The following JAKMIP3 variants were observed in gnomAD, a reference collection of about 807,000 sequenced individuals.
JAKMIP3 encodes Janus kinase and microtubule interacting protein 3.
Under a neutral mutation model 118.5 loss-of-function variants are expected in JAKMIP3, and 58 were observed. That is an observed-to-expected ratio of 0.49 (90% CI 0.40 to 0.61). The LOEUF (loss-of-function observed/expected upper bound fraction) is 0.61, where lower values mean the gene tolerates loss of function less well. JAKMIP3 is among the 20% of genes least tolerant of loss of function. The pLI is 0.00. For missense variants in JAKMIP3, 950 were observed against 1,109.0 expected (o/e 0.86, Z 2.04); for synonymous variants, 486 against 451.2 (o/e 1.08, Z -0.98).
intron 1 of JAKMIP3, among the ~76,000 whole-genome samples, chr10:132,058,272 G>A (rs994512515): frequency 6.6e-6 from 1 of 152,220 alleles, no homozygotes; most frequent in Non-Finnish European, 1.5e-5. Context: ...TACAAAGTGA[G>A]GGCCTCAGAG....
intron 14 of JAKMIP3, 29 bp from the exon 15 acceptor site, chr10:132,149,383 C>T (rs370351597): frequency 5.2e-5 from 75 of 1,435,868 alleles, no homozygotes; most frequent in African/African-American, 4.5e-4. Context: ...GGGAGGGGAG[C>T]GGCTCACCCT....
At chr10:132,138,373 C>T (rs1448051366) in intron 9 of JAKMIP3, among the ~76,000 whole-genome samples, 195 bp downstream of exon 9, 1 of 142,562 alleles carries the variant, frequency 7.0e-6, no homozygotes, top group Non-Finnish European at 1.5e-5. Context: ...GAGGACCGCG[C>T]CCGCGTGTGT....
At chr10:132,159,656 G>GTGATGCTCAGGGGTCCTCTTCCTT (rs2057713008) in intron 19 of JAKMIP3, among the ~76,000 whole-genome samples, 1 of 66,980 alleles carries the variant, frequency 1.5e-5, no homozygotes, top group Non-Finnish European at 3.2e-5. Context: ...GCCTCTCCCT[G>GTGATGCTCAGGGGTCCTCTTCCTT]TGTGATGCTG....
At chr10:132,156,917 G>C (rs2057166401) in intron 19 of JAKMIP3, among the ~76,000 whole-genome samples, 1 of 152,014 alleles carries the variant, frequency 6.6e-6, no homozygotes, top group Non-Finnish European at 1.5e-5. Flanking sequence ...GTATAGTTCT[G>C]ATTTACAACA....
chr10:132,125,287 G>A (rs1442317339), intron 3 of JAKMIP3, among the ~76,000 whole-genome samples: 1 of 152,250 alleles, frequency 6.6e-6, no homozygotes, highest in African/African-American at 2.4e-5. Context: ...CCTGCTTGCT[G>A]TGTGGATATC....
rs571968306 is a variant in JAKMIP3, at chr10:132,177,361, C to T, written c.*1104-4996C>T. ...CCATGGAGAACAGGCAGAAAGTGTGCGCACGTGTGTGCACACATGCCAGTG... is the reference window on the plus strand; with the variant it reads ...CCATGGAGAACAGGCAGAAAGTGTGTGCACGTGTGTGCACACATGCCAGTG... On this transcript the variant is annotated intron_variant, in intron 23 of 23. Transcript: ENST00000684848. Among the ~76,000 whole-genome samples the T allele has an allele frequency of 2.7e-4, 41 of 152,390 alleles. No homozygotes were observed. In the South Asian group the frequency reaches 3.1e-3, roughly 12 times the overall value.
At chr10:132,170,706 C>T (rs933685277) in intron 23 of JAKMIP3, among the ~76,000 whole-genome samples, 6 of 152,188 alleles carry the variant, frequency 3.9e-5, no homozygotes, top group South Asian at 2.1e-4. Context: ...GAGGGGCAGC[C>T]GGCCGCCAAC....
At chr10:132,152,823 G>A in intron 16 of JAKMIP3, 135 bp from the exon 17 acceptor site, 1 of 644,982 alleles carries the variant, frequency 1.6e-6, no homozygotes, top group East Asian at 2.9e-5. Flanking sequence ...GTCAGTCAAA[G>A]CACTTTTTAG....
At chr10:132,045,531 C>A (rs1040432776) in intron 1 of JAKMIP3, among the ~76,000 whole-genome samples, 10 of 152,048 alleles carry the variant, frequency 6.6e-5, no homozygotes, top group African/African-American at 2.4e-4. Context: ...TCAAGGAGAG[C>A]CCGCGGTGTG....
chr10:132,087,460 G>A (rs1854650), intron 1 of JAKMIP3, among the ~76,000 whole-genome samples: 118,056 of 152,040 alleles, frequency 0.78, 47,141 homozygotes, highest in East Asian at 1. Context: ...ATGTTTTACA[G>A]ACTTTTAGAT....
chr10:132,176,123 T>G (rs922556478), intron 23 of JAKMIP3, among the ~76,000 whole-genome samples: 15 of 152,194 alleles, frequency 9.9e-5, no homozygotes, highest in Non-Finnish European at 1.9e-4. Context: ...CCCTGCAGGA[T>G]CTGCCCCCCA....
At chr10:132,051,695 G>A (rs2038110812) in intron 1 of JAKMIP3, among the ~76,000 whole-genome samples, 1 of 152,006 alleles carries the variant, frequency 6.6e-6, no homozygotes, top group African/African-American at 2.4e-5. Context: ...TGACCTCCTG[G>A]GCTCAAGCCA....
intron 1 of JAKMIP3, among the ~76,000 whole-genome samples, chr10:132,057,655 T>G (rs1209918845): frequency 6.6e-6 from 1 of 152,170 alleles, no homozygotes; most frequent in East Asian, 1.9e-4. Flanking sequence ...CCGCTTGGCC[T>G]TCTTCTCCTT....
At chr10:132,138,254 G>C (rs2052301416) in intron 9 of JAKMIP3, 76 bp downstream of exon 9, 2 of 1,346,014 alleles carry the variant, frequency 1.5e-6, no homozygotes, top group Non-Finnish European at 2.1e-6. Flanking sequence ...CGTGTGTGGA[G>C]AGCGCTGGTG....
chr10:132,091,149 T>G (rs544303030), intron 1 of JAKMIP3, among the ~76,000 whole-genome samples: 54 of 152,338 alleles, frequency 3.5e-4, no homozygotes, highest in Non-Finnish European at 5.6e-4. Context: ...AGAGACAGTT[T>G]GTTATAATTT....
rs764563989 is a variant in JAKMIP3, at chr10:132,117,623, G to A, written c.633+49G>A. 5.6e-5 allele frequency: 61 copies of A among 1,084,016 alleles called. No individual in the cohort carries two copies. The Admixed American group carries it at 7.6e-4, about 13-fold the overall frequency. The allele number at this position is 1,084,016 out of a possible 1,614,324, so 67.1% of individuals were successfully genotyped here. On this transcript the variant is annotated intron_variant, in intron 3 of 23. Coordinates refer to ENST00000684848, the MANE Select transcript of JAKMIP3 (RefSeq NM_001323087.2). This position sits in a 1 kb window ranked among gnomAD's most constrained non-coding sequence, Gnocchi z 8.6. ...CGTGGGCGAGGGTGCAGGGGCGGGCGTGGGCGAGGGTGCAGGGGCGGGCGT... is the reference window on the plus strand; with the variant it reads ...CGTGGGCGAGGGTGCAGGGGCGGGCATGGGCGAGGGTGCAGGGGCGGGCGT...
intron 3 of JAKMIP3, among the ~76,000 whole-genome samples, chr10:132,124,482 G>A (rs1464127835): frequency 1.4e-5 from 2 of 145,608 alleles, no homozygotes; most frequent in Non-Finnish European, 3.0e-5. Context: ...CACGTCCATT[G>A]CCACACACAT....
At chr10:132,105,226 G>C (rs372699313) in intron 2 of JAKMIP3, among the ~76,000 whole-genome samples, 2 of 152,228 alleles carry the variant, frequency 1.3e-5, no homozygotes, top group Non-Finnish European at 2.9e-5. Context: ...GAGGCCGCAG[G>C]GCCTTGGGGT....
At chr10:132,141,837 A>G (rs1005942866) in intron 10 of JAKMIP3, 83 bp from the exon 11 acceptor site, 3 of 1,479,112 alleles carry the variant, frequency 2.0e-6, no homozygotes, top group Non-Finnish European at 2.7e-6. Context: ...GGGAGAAGGG[A>G]AGCCCCGGGG....
Sources: allele counts gnomAD v4.1 joint callset (sites outside exome capture counted in the v4.1 genomes callset), GRCh38; gene constraint gnomAD v4.1.1; non-coding constraint Gnocchi (gnomAD v3.1); transcripts MANE v1.5; gene names NCBI Gene and HGNC (gene_info 2026-07-23, HGNC 2026-07-21).